GPC3: variants seen among roughly 807,000 people sequenced by gnomAD.
GPC3 encodes the protein glypican 3, also known as glypican-3.
A neutral mutation model predicts 34.4 loss-of-function variants in GPC3; 3 were observed. That is an observed-to-expected ratio of 0.09 (90% confidence interval 0.04 to 0.23). The LOEUF (loss-of-function observed/expected upper bound fraction) is 0.23, where lower values mean the gene tolerates loss of function less well. Ranked by LOEUF, GPC3 falls within the 10% of genes least tolerant of loss-of-function variation. GPC3 has a pLI of 1.00. For synonymous variants in GPC3, 177 were observed against 174.0 expected (o/e 1.02, Z -0.13); for missense variants, 351 against 445.6 (o/e 0.79, Z 1.91).
intron 2 of GPC3, among the ~76,000 whole-genome samples, chrX:133,776,260 G>A (rs1213220435): frequency 1.8e-5 from 2 of 111,456 alleles, no homozygotes; most frequent in Non-Finnish European, 3.8e-5. Flanking sequence ...ACAGATTATA[G>A]GGTATCAATC....
chrX:133,721,062 A>C (rs1176964353), intron 3 of GPC3, among the ~76,000 whole-genome samples: 1 of 109,321 alleles, frequency 9.1e-6, no homozygotes, highest in Non-Finnish European at 1.9e-5. Context: ...AATAATGAGA[A>C]GGGAGATCCC....
At chrX:133,680,031 G>A (rs1013416452) in intron 5 of GPC3, among the ~76,000 whole-genome samples, 2 of 111,380 alleles carry the variant, frequency 1.8e-5, no homozygotes, top group Non-Finnish European at 3.8e-5. Context: ...GTGTCGCTGG[G>A]GACATGCTAG....
At chrX:133,741,895 T>C (rs932946411) in intron 3 of GPC3, among the ~76,000 whole-genome samples, 2 of 113,138 alleles carry the variant, frequency 1.8e-5, no homozygotes, top group African/African-American at 6.4e-5. Context: ...TGTATCAAAA[T>C]TCTGAATGAA....
At chrX:133,787,592 G>A (rs1284837370) in intron 2 of GPC3, among the ~76,000 whole-genome samples, 2 of 111,610 alleles carry the variant, frequency 1.8e-5, no homozygotes, top group African/African-American at 6.5e-5. Flanking sequence ...TCCCCCAGGG[G>A]CCCCAGGCTG....
chrX:133,903,466 G>C (rs968580521), intron 2 of GPC3, among the ~76,000 whole-genome samples: 5 of 110,125 alleles, frequency 4.5e-5, no homozygotes, highest in African/African-American at 1.7e-4. Context: ...GCGTGCACCT[G>C]TAGTCCCAGC....
chrX:133,804,389 C>T (rs2075625831), intron 2 of GPC3, among the ~76,000 whole-genome samples: 1 of 110,486 alleles, frequency 9.1e-6, no homozygotes, highest in Admixed American at 9.7e-5. Context: ...TATCTTTAAC[C>T]GTTTCAAGAC....
At chrX:133,679,507 G>A (rs1170185007) in intron 5 of GPC3, among the ~76,000 whole-genome samples, 1 of 111,080 alleles carries the variant, frequency 9.0e-6, no homozygotes, top group Non-Finnish European at 1.9e-5. Context: ...GCTAGGCCTA[G>A]TACTAAGGTC....
chrX:133,606,792 A>G, intron 6 of GPC3, among the ~76,000 whole-genome samples: 1 of 111,641 alleles, frequency 9.0e-6, no homozygotes, highest in Non-Finnish European at 1.9e-5. Context: ...ACTTGTATCC[A>G]TCTCCCACAT....
intron 6 of GPC3, among the ~76,000 whole-genome samples, chrX:133,616,494 C>A (rs1464754698): frequency 9.0e-6 from 1 of 110,880 alleles, no homozygotes; most frequent in Non-Finnish European, 1.9e-5. Flanking sequence ...TTCCAGCTGC[C>A]TTATTTTTTT....
chrX:133,739,540 C>T (rs2071544465), intron 3 of GPC3, among the ~76,000 whole-genome samples: 1 of 111,307 alleles, frequency 9.0e-6, no homozygotes, highest in Admixed American at 9.5e-5. Flanking sequence ...AGAAAAAGAA[C>T]AGCTGAATAG....
intron 2 of GPC3, among the ~76,000 whole-genome samples, chrX:133,801,426 C>T (rs2075608809): frequency 8.9e-6 from 1 of 112,008 alleles, no homozygotes; most frequent in Admixed American, 9.5e-5. Context: ...GATATGCTTG[C>T]TAACATGTGT....
rs2076401014 is a variant in GPC3 at position 133,953,195 on chromosome X, T to C, written c.192A>G (p.Val64=). The change falls in exon 2 of 8, where the codon GTA becomes GTG. Residue 64 remains valine (V), a synonymous_variant. Coordinates refer to ENST00000370818, the MANE Select transcript of GPC3 (RefSeq NM_004484.4). ...AGCATGTTGGGCCCTTAGGGAGACA[T>C]ACTTGCAAATCTGATCCTGAAACAA... is the stretch of plus-strand genomic sequence containing the variant. ...ETPVPGSDLQ[V]CLPKGPTCCS... 1 of 1,209,456 alleles carries C rather than the reference T, an allele frequency of 8.3e-7. No homozygotes were observed. Among genetic ancestry groups the C allele is most frequent in the Non-Finnish European group, 1.1e-6 (1 of 893,957 alleles).
At chrX:133,667,355 A>T (rs754326805) in intron 5 of GPC3, among the ~76,000 whole-genome samples, 1 of 112,006 alleles carries the variant, frequency 8.9e-6, no homozygotes, top group South Asian at 3.8e-4. Flanking sequence ...AGTGGGCCTG[A>T]CTCAGATGCA....
intron 2 of GPC3, among the ~76,000 whole-genome samples, chrX:133,926,210 G>GA (rs771935284): frequency 8.9e-6 from 1 of 112,151 alleles, no homozygotes; most frequent in East Asian, 2.8e-4. Context: ...ATTAACTCAT[G>GA]AAAAGAAATG....
intron 2 of GPC3, among the ~76,000 whole-genome samples, chrX:133,796,416 T>C (rs2075582425): frequency 8.9e-6 from 1 of 112,451 alleles, no homozygotes; most frequent in African/African-American, 3.2e-5. Context: ...ACTGACAAGT[T>C]AGACCCTGGC....
At chrX:133,905,506 G>A (rs976682304) in intron 2 of GPC3, among the ~76,000 whole-genome samples, 3 of 111,845 alleles carry the variant, frequency 2.7e-5, no homozygotes, top group Non-Finnish European at 5.6e-5. Context: ...CAGATCCCCC[G>A]TTTAAGAATA....
chrX:133,758,367 C>T (rs949413257), intron 2 of GPC3, among the ~76,000 whole-genome samples: 3 of 111,483 alleles, frequency 2.7e-5, no homozygotes, highest in African/African-American at 6.5e-5. Flanking sequence ...TACTATGCAG[C>T]CATAAAAATA....
At chrX:133,906,065 C>G (rs1177148301) in intron 2 of GPC3, among the ~76,000 whole-genome samples, 1 of 112,027 alleles carries the variant, frequency 8.9e-6, no homozygotes, top group East Asian at 2.8e-4. Context: ...TAGATTGTCT[C>G]CACACATTCT....
At chrX:133,562,596 A>C (rs2069547814) in intron 7 of GPC3, among the ~76,000 whole-genome samples, 1 of 111,355 alleles carries the variant, frequency 9.0e-6, no homozygotes, top group Admixed American at 9.6e-5. Flanking sequence ...GTGCTACTGC[A>C]CTTCAGCCTG....
Sources: allele counts gnomAD v4.1 joint callset (sites outside exome capture counted in the v4.1 genomes callset), GRCh38; gene constraint gnomAD v4.1.1; transcripts MANE v1.5; gene names NCBI Gene and HGNC (gene_info 2026-07-23, HGNC 2026-07-21).